Variants in EDDM3A observed in about 807,000 individuals in gnomAD.
The protein encoded by EDDM3A is epididymal protein 3A, also known as epididymal secretory protein E3-alpha.
For synonymous variants in EDDM3A, 75 were observed against 60.4 expected, an observed-to-expected ratio of 1.24 and a Z score of -1.12; for missense variants, 199 against 177.4, an observed-to-expected ratio of 1.12 and a Z score of -0.69.
chr14:20,742,890 C>T (rs559358851), upstream of EDDM3A, among the ~76,000 whole-genome samples: 5 of 152,212 alleles, frequency 3.3e-5, no homozygotes, highest in South Asian at 1.0e-3. Context: ...TGCCACCACA[C>T]CCAACTAATT....
In EDDM3A at chr14:20,746,673, G is replaced by T. The variant is rs553844978; in HGVS notation, c.-27+681G>T. On this transcript the variant is annotated intron_variant, in intron 1 of 1. Transcript: ENST00000326842. ...GAAATGGCCTCTGAGAAGGGATGCCGATAGTTAATAATGATCACATGTTTC... is the reference window on the plus strand; with the variant it reads ...GAAATGGCCTCTGAGAAGGGATGCCTATAGTTAATAATGATCACATGTTTC... Among the ~76,000 whole-genome samples, 8 of 152,304 alleles carry T rather than the reference G, an allele frequency of 5.3e-5. No individual in the cohort carries two copies. The East Asian group carries it at 1.4e-3, about 26-fold the overall frequency.
At chr14:20,738,072 G>A in the EDDM3A span, among the ~76,000 whole-genome samples, 7 of 152,176 alleles carry the variant, frequency 4.6e-5, no homozygotes, top group African/African-American at 1.7e-4. Flanking sequence ...TGGTCATCAT[G>A]TTCCAAATGC....
upstream of EDDM3A, among the ~76,000 whole-genome samples, chr14:20,741,315 C>T (rs2139075667): frequency 6.6e-6 from 1 of 152,332 alleles, no homozygotes; most frequent in Non-Finnish European, 1.5e-5. Context: ...ATTTATTAGC[C>T]AGAGTGTCCC....
upstream of EDDM3A, among the ~76,000 whole-genome samples, chr14:20,743,184 G>C (rs899500764): frequency 1.3e-5 from 2 of 152,198 alleles, no homozygotes; most frequent in African/African-American, 4.8e-5. Flanking sequence ...CCCTGAATGA[G>C]GAACCTAAGT....
At chr14:20,745,448 C>G (rs11156650), upstream of EDDM3A, among the ~76,000 whole-genome samples, 40,834 of 151,240 alleles carry the variant, frequency 0.27, 5,631 homozygotes, top group East Asian at 0.34. Context: ...ATGGGGTGAA[C>G]CCGGGAGGCG....
the EDDM3A span, among the ~76,000 whole-genome samples, chr14:20,739,100 G>T: frequency 6.6e-6 from 1 of 152,112 alleles, no homozygotes; most frequent in African/African-American, 2.4e-5. Context: ...TAATCTTTAC[G>T]TTACAGAGCA....
At chr14:20,744,559 C>T (rs1306908149), upstream of EDDM3A, among the ~76,000 whole-genome samples, 4 of 152,146 alleles carry the variant, frequency 2.6e-5, no homozygotes, top group South Asian at 4.1e-4. Flanking sequence ...TGGAAAATTC[C>T]GGCTGTGATG....
At chr14:20,746,489 C>T (rs1877591731) in intron 1 of EDDM3A, among the ~76,000 whole-genome samples, 1 of 152,164 alleles carries the variant, frequency 6.6e-6, no homozygotes, top group South Asian at 2.1e-4. Flanking sequence ...TTTCAAACGA[C>T]CATACATCCT....
At chr14:20,740,304 T>C in the EDDM3A span, among the ~76,000 whole-genome samples, 2 of 152,256 alleles carry the variant, frequency 1.3e-5, no homozygotes, top group Admixed American at 1.3e-4. Flanking sequence ...TGGGCATTTG[T>C]CCATGGTTCG....
the EDDM3A span, among the ~76,000 whole-genome samples, chr14:20,738,317 A>C: frequency 6.6e-6 from 1 of 152,026 alleles, no homozygotes; most frequent in Non-Finnish European, 1.5e-5. Flanking sequence ...ACAAAAATAC[A>C]AAAATTAGCC....
At chr14:20,737,753 G>T in the EDDM3A span, among the ~76,000 whole-genome samples, 4 of 152,202 alleles carry the variant, frequency 2.6e-5, no homozygotes, top group African/African-American at 4.8e-5. Flanking sequence ...TGGAATGAAT[G>T]AGAAAGGAAA....
chr14:20,747,601 T>G lies in EDDM3A; in HGVS notation c.21T>G (p.Ile7Met), dbSNP rs1177774792. The G allele has an allele frequency of 1.2e-6, 2 of 1,608,350 alleles. No homozygotes were observed. The highest frequency in any genetic ancestry group is 1.7e-6 in the Non-Finnish European group (2 of 1,176,890). Reference protein sequence around the residue: MTSSLKIWGILLALLCI... With the variant: MTSSLKMWGILLALLCI... ...CTGAGATGACATCCTCTCTAAAGAT[T>G]TGGGGCATACTCTTGGCCCTGCTTT... Residue 7 changes from isoleucine (I) to methionine (M), a missense_variant, in exon 2 of 2, where the codon ATT (isoleucine) becomes ATG (methionine). By Grantham distance (10) the Ile-to-Met change is conservative (BLOSUM62 1). Coordinates refer to ENST00000326842, the MANE Select transcript of EDDM3A (RefSeq NM_006683.5).
chr14:20,747,894 G>A lies in EDDM3A; in HGVS notation c.314G>A (p.Cys105Tyr). The change falls in exon 2 of 2, where the codon TGT becomes TAT. Residue 105 changes from cysteine (C) to tyrosine (Y), a missense_variant. Physicochemically the swap from Cys to Tyr is radical, Grantham distance 194 (BLOSUM62 -2). Coordinates refer to ENST00000326842, the MANE Select transcript of EDDM3A (RefSeq NM_006683.5). ...CCAGGTGCCCTCAAAGTACTCGAGT[G>A]TCACTGGGAGAAGTACAACAATAGG... ...WAPGALKVLE[C>Y]HWEKYNNRYT... is the part of the protein sequence containing the mutation. The A allele has an allele frequency of 2.5e-6, 4 of 1,614,158 alleles. No individual in the cohort carries two copies. Among genetic ancestry groups the A allele is most frequent in the Non-Finnish European group, 3.4e-6 (4 of 1,180,038 alleles).
At chr14:20,740,007 G>A in the EDDM3A span, among the ~76,000 whole-genome samples, 1 of 152,144 alleles carries the variant, frequency 6.6e-6, no homozygotes, top group Non-Finnish European at 1.5e-5. Flanking sequence ...TGGCTCAGAA[G>A]AATGCACCTT....
At chr14:20,747,102 C>CTTTTTT (rs71112518) in intron 1 of EDDM3A, among the ~76,000 whole-genome samples, 6 of 122,176 alleles carry the variant, frequency 4.9e-5, no homozygotes, top group East Asian at 2.4e-4. Flanking sequence ...AAACTGTATT[C>CTTTTTT]TTTTTTTTTT....
chr14:20,736,312 G>T, the EDDM3A span, among the ~76,000 whole-genome samples: 3 of 152,232 alleles, frequency 2.0e-5, no homozygotes, highest in Non-Finnish European at 2.9e-5. Context: ...GTTTCACCAT[G>T]TTGGCCAGGC....
upstream of EDDM3A, among the ~76,000 whole-genome samples, chr14:20,743,627 C>A (rs1009132193): frequency 2.0e-5 from 3 of 148,140 alleles, no homozygotes; most frequent in Non-Finnish European, 4.4e-5. Flanking sequence ...ACATAATTTT[C>A]AAGTGATTTA....
At chr14:20,738,545 G>A in the EDDM3A span, among the ~76,000 whole-genome samples, 1 of 151,524 alleles carries the variant, frequency 6.6e-6, no homozygotes, top group Non-Finnish European at 1.5e-5. Flanking sequence ...TTACATATGG[G>A]GAAAAATACT....
the EDDM3A span, among the ~76,000 whole-genome samples, chr14:20,737,764 TAGG>T: frequency 6.6e-6 from 1 of 152,098 alleles, no homozygotes; most frequent in Non-Finnish European, 1.5e-5. Flanking sequence ...AGAAAGGAAA[TAGG>T]AGAAAGACAC....
Sources: allele counts gnomAD v4.1 joint callset (sites outside exome capture counted in the v4.1 genomes callset), GRCh38; gene constraint gnomAD v4.1.1; transcripts MANE v1.5; gene names NCBI Gene and HGNC (gene_info 2026-07-23, HGNC 2026-07-21).